Variants in U2SURP observed in about 807,000 individuals in gnomAD.
U2SURP encodes U2 snRNP-associated SURP motif-containing protein.
A neutral mutation model predicts 144.9 loss-of-function variants in U2SURP; 9 were observed. The ratio of observed to expected loss-of-function variants is 0.06; its 90% CI spans 0.04 to 0.11. U2SURP has a LOEUF of 0.11. U2SURP is among the 10% of genes least tolerant of loss of function. The pLI, the probability that U2SURP is intolerant of heterozygous loss-of-function variation, is 1.00. For synonymous variants in U2SURP, 408 were observed against 396.8 expected (o/e 1.03, Z -0.33); for missense variants, 724 against 1,226.7 (o/e 0.59, Z 6.12).
chr3:143,018,709 G>A (rs372528986), intron 6 of U2SURP, among the ~76,000 whole-genome samples: 2 of 151,980 alleles, frequency 1.3e-5, no homozygotes, highest in South Asian at 2.1e-4. Context: ...TTCTCACGTC[G>A]TACACTAACA....
At chr3:143,004,708 C>A (rs1460162212) in intron 1 of U2SURP, among the ~76,000 whole-genome samples, 2 of 151,902 alleles carry the variant, frequency 1.3e-5, no homozygotes, top group African/African-American at 2.4e-5. Flanking sequence ...ATAATTGTCC[C>A]TAATGAAGAG....
In U2SURP at chr3:143,056,148, G is replaced by C. The variant is rs184092145; in HGVS notation, c.2952-164G>C. ...GTGCATAGTAAGTACAAAATAATCT[G>C]TGTGTGTGTGTGTACAATAGAGTTT... On this transcript the variant is annotated intron_variant, in intron 27 of 27. Coordinates refer to ENST00000473835, the MANE Select transcript of U2SURP (RefSeq NM_001080415.2). Among the ~76,000 whole-genome samples the C allele has an allele frequency of 6.5e-3, 982 of 151,432 alleles. 9 individuals are homozygous for C. The highest frequency in any genetic ancestry group is 0.023 in the African/African-American group (932 of 41,362).
intron 1 of U2SURP, among the ~76,000 whole-genome samples, chr3:143,003,629 A>T (rs921905653): frequency 2.0e-5 from 3 of 149,544 alleles, no homozygotes; most frequent in Non-Finnish European, 4.5e-5. Context: ...CTAAGTCATC[A>T]GCTGTCATAA....
intron 24 of U2SURP, among the ~76,000 whole-genome samples, chr3:143,049,093 TAAAA>T (rs368050643): frequency 7.9e-6 from 1 of 126,988 alleles, no homozygotes. Context: ...TGTCTCTGCT[TAAAA>T]AAAAAAAAAA....
intron 23 of U2SURP, among the ~76,000 whole-genome samples, chr3:143,039,718 G>T (rs74959249): frequency 0.014 from 2,113 of 150,916 alleles, 24 homozygotes; most frequent in South Asian, 0.038. Flanking sequence ...TGGGAACAAA[G>T]AGAAAACCCC....
At chr3:143,052,163 C>T (rs2108318703) in intron 25 of U2SURP, among the ~76,000 whole-genome samples, 1 of 152,222 alleles carries the variant, frequency 6.6e-6, no homozygotes, top group Admixed American at 6.5e-5. Flanking sequence ...GGGCAATCAC[C>T]TCAGGCAAAT....
chr3:143,033,237 T>G, intron 17 of U2SURP, 34 bp from the exon 18 acceptor site: 1 of 1,283,138 alleles, frequency 7.8e-7, no homozygotes, highest in African/African-American at 1.5e-5. Context: ...TAGCCTTATA[T>G]TAACCTATTT....
intron 16 of U2SURP, among the ~76,000 whole-genome samples, chr3:143,030,092 G>A (rs1205478620): frequency 6.6e-6 from 1 of 152,260 alleles, no homozygotes; most frequent in Non-Finnish European, 1.5e-5. Context: ...TGATGTAGAT[G>A]CTGTAGCAAA....
rs1173114217 is a variant in U2SURP at position 143,010,853 on chromosome 3, T to G, written c.84T>G (p.Asp28Glu). 1 of 1,607,380 alleles carries G rather than the reference T, an allele frequency of 6.2e-7. No homozygotes were observed. The change falls in exon 2 of 28, where the codon GAT becomes GAG. Residue 28 changes from aspartate to glutamate, a missense_variant. Asp to Glu is a conservative substitution (Grantham distance 45). Transcript: ENST00000473835. The part of the protein sequence containing the change: ...SSDVHSSGSS[D>E]AHMDASGPSD... Reference sequence around the variant, plus strand: ...ATGTTCATTCATCTGGATCTTCAGATGCACATGTGAGTATAGAAGGCAATC... The same window carrying G: ...ATGTTCATTCATCTGGATCTTCAGAGGCACATGTGAGTATAGAAGGCAATC...
Position 143,037,217 on chromosome 3 carries a change from A to G in U2SURP, c.2103A>G (p.Glu701=), listed in dbSNP as rs374496642. The change falls in exon 21 of 28, where the codon GAA becomes GAG. Residue 701 remains glutamate, a synonymous_variant. Transcript: ENST00000473835. ...PDDLDGAPIE[E]ELDGAPLEDV... is the part of the protein sequence containing the mutation. Reference sequence around the variant, plus strand: ...ACCTTGATGGTGCCCCCATCGAGGAAGAGCTTGATGGTGCACCTCTGGAAG... The same window carrying G: ...ACCTTGATGGTGCCCCCATCGAGGAGGAGCTTGATGGTGCACCTCTGGAAG... 17 of 1,612,082 alleles carry G rather than the reference A, an allele frequency of 1.1e-5. No homozygotes were observed. The highest frequency in any genetic ancestry group is 1.4e-5 in the Non-Finnish European group (17 of 1,178,930).
intron 6 of U2SURP, 76 bp from the exon 7 acceptor site, chr3:143,019,893 A>T: frequency 1.4e-6 from 1 of 738,120 alleles, no homozygotes; most frequent in East Asian, 3.2e-5. Flanking sequence ...GAAATGATGT[A>T]AAAAGGCTCT....
rs1013490637 is a variant in U2SURP at position 143,058,676 on chromosome 3, A to G, written c.*2226A>G. ...CCTACTTAATACTCCCATGGATTCT[A>G]TGAAAGTTTAATGGGATCAGAAATT... On this transcript the variant is annotated 3_prime_UTR_variant, in exon 28 of 28. Transcript: ENST00000473835. 2 of 151,866 alleles carry G rather than the reference A, an allele frequency of 1.3e-5. No individual in the cohort carries two copies. The highest frequency in any genetic ancestry group is 2.4e-5 in the African/African-American group (1 of 41,410). 9.4% of individuals were successfully genotyped at this position (151,866 alleles called of 1,614,324 possible).
chr3:143,007,442 A>AG (rs1935899481), intron 1 of U2SURP, among the ~76,000 whole-genome samples: 3 of 112,370 alleles, frequency 2.7e-5, no homozygotes, highest in Non-Finnish European at 5.2e-5. Flanking sequence ...TCCTTTCAAG[A>AG]GATTTTTTTT....
In U2SURP at chr3:143,032,966, G is replaced by A; in HGVS notation, c.1773+20G>A. 4.4e-6 allele frequency: 7 copies of A among 1,602,674 alleles called. No individual in the cohort carries two copies. The highest frequency in any genetic ancestry group is 6.0e-6 in the Non-Finnish European group (7 of 1,175,314). Reference sequence around the variant, plus strand: ...AAAAAGGTATGGGAATGAATTTTAAGAAAAGGGGAGATAGTTGACGTCTTT... The same window carrying A: ...AAAAAGGTATGGGAATGAATTTTAAAAAAAGGGGAGATAGTTGACGTCTTT... On this transcript the variant is annotated intron_variant, in intron 17 of 27. Coordinates refer to ENST00000473835, the MANE Select transcript of U2SURP (RefSeq NM_001080415.2).
At chr3:143,034,997 T>G (rs747214451) in intron 19 of U2SURP, 22 bp downstream of exon 19, 3 of 931,120 alleles carry the variant, frequency 3.2e-6, no homozygotes, top group Non-Finnish European at 4.5e-6. Flanking sequence ...GTTTTACTAT[T>G]TTTGCCCTAG....
At chr3:143,009,507 A>AG (rs1324608539) in intron 1 of U2SURP, among the ~76,000 whole-genome samples, 1 of 151,878 alleles carries the variant, frequency 6.6e-6, no homozygotes, top group Non-Finnish European at 1.5e-5. Context: ...CTGAGGGAGG[A>AG]GAATTACTGG....
At chr3:143,013,300 TTTC>T (rs1362231015) in intron 3 of U2SURP, among the ~76,000 whole-genome samples, 73 of 152,192 alleles carry the variant, frequency 4.8e-4, no homozygotes, top group African/African-American at 1.7e-3. Flanking sequence ...GCAAAACGAT[TTTC>T]TTTCTATTTT....
intron 1 of U2SURP, among the ~76,000 whole-genome samples, chr3:143,006,982 A>G (rs1935865001): frequency 6.6e-6 from 1 of 152,150 alleles, no homozygotes; most frequent in Non-Finnish European, 1.5e-5. Context: ...ATAGCTTGGT[A>G]ATTTGGAAAC....
In U2SURP at chr3:143,060,600, T is replaced by C. The variant is rs1192970440; in HGVS notation, c.*4150T>C. 2.0e-5 allele frequency: 3 copies of C among 152,008 alleles called. No homozygotes were observed. The highest frequency in any genetic ancestry group is 4.4e-5 in the Non-Finnish European group (3 of 67,882). The allele number at this position is 152,008 out of a possible 1,614,324, so 9.4% of individuals were successfully genotyped here. On this transcript the variant is annotated 3_prime_UTR_variant, in exon 28 of 28. Coordinates refer to ENST00000473835, the MANE Select transcript of U2SURP (RefSeq NM_001080415.2). ...ATTGTTTTTCCGATGCAAGCCCAGT[T>C]AATAATTAGTTTTTTAGCAGCTTTC... is the stretch of plus-strand genomic sequence containing the variant.
Sources: gnomAD v4.1 joint callset for allele counts (sites outside exome capture counted in the v4.1 genomes callset) on GRCh38, gnomAD v4.1.1 for gene constraint, MANE v1.5 for transcripts, NCBI Gene and HGNC (gene_info 2026-07-23, HGNC 2026-07-21) for gene names.